PARVB: variants seen among roughly 807,000 people sequenced by gnomAD.
The protein encoded by PARVB is parvin beta.
Under a neutral mutation model 47.0 loss-of-function variants are expected in PARVB, and 46 were observed. That is an observed-to-expected ratio of 0.98 (90% CI 0.77 to 1.25). PARVB has a LOEUF of 1.25. PARVB is among the 50% of genes most tolerant of loss of function. PARVB has a pLI of 0.00. For missense variants in PARVB, 473 were observed against 471.6 expected (o/e 1.00, Z -0.03); for synonymous variants, 196 against 196.3 (o/e 1.00, Z 0.01).
In PARVB at chr22:44,147,904, G is replaced by T; in HGVS notation, c.756G>T (p.Lys252Asn). 1 of 1,614,042 alleles carries T rather than the reference G, an allele frequency of 6.2e-7. No homozygotes were observed. The highest frequency in any genetic ancestry group is 1.1e-5 in the South Asian group (1 of 91,054). ...FDTLFDHAPD[K>N]LSVVKKSLIT... The stretch of plus-strand genomic sequence containing the variant: ...CGCTGTTCGACCACGCCCCGGATAA[G>T]CTCAGCGTGGTGAAGAAGGTGAGCT... The change falls in exon 9 of 13, where the codon AAG becomes AAT. Residue 252 changes from lysine (K) to asparagine (N), a missense_variant. Physicochemically the swap from Lys to Asn is moderately conservative, Grantham distance 94. Transcript: ENST00000338758.
At chr22:44,098,738 C>T (rs943964559) in intron 2 of PARVB, among the ~76,000 whole-genome samples, 1 of 152,210 alleles carries the variant, frequency 6.6e-6, no homozygotes, top group East Asian at 1.9e-4. Flanking sequence ...TCAGAGTTTA[C>T]ACTCTGCTGC....
intron 6 of PARVB, among the ~76,000 whole-genome samples, chr22:44,136,060 G>A (rs890332344): frequency 2.6e-5 from 4 of 152,158 alleles, no homozygotes; most frequent in Non-Finnish European, 5.9e-5. Context: ...CTTCAGTCCC[G>A]TGCACACACA....
intron 7 of PARVB, among the ~76,000 whole-genome samples, chr22:44,138,628 T>C (rs971812728): frequency 6.6e-6 from 1 of 152,198 alleles, no homozygotes; most frequent in Non-Finnish European, 1.5e-5. Flanking sequence ...TAAGGCAGCA[T>C]TGCCACCTCC....
At chr22:44,115,861 TAAA>T in intron 3 of PARVB, 1 of 137,998 alleles carries the variant, frequency 7.2e-6, no homozygotes, top group Admixed American at 7.1e-5. Context: ...ACATTGTTAC[TAAA>T]GCCTTGCACC....
Position 44,133,050 on chromosome 22 carries a change from A to G in PARVB, c.633+41A>G, listed in dbSNP as rs577111274. 31 of 1,397,710 alleles carry G rather than the reference A, an allele frequency of 2.2e-5. 2 individuals carry two copies. The South Asian group carries it at 3.3e-4, about 15-fold the overall frequency. 86.6% of individuals were successfully genotyped at this position (1,397,710 alleles called of 1,614,324 possible). A position where few individuals can be genotyped will look rare whatever the true frequency, so the allele number is the denominator to read the frequency against. On this transcript the variant is annotated intron_variant, in intron 6 of 12. Coordinates refer to ENST00000338758, the MANE Select transcript of PARVB (RefSeq NM_013327.5). Reference sequence around the variant, plus strand: ...TGGTCGGCCTGCCTGTAACTCCGCCAGAGAGGCAACATCTTCCTCCTGCAG... The same window carrying G: ...TGGTCGGCCTGCCTGTAACTCCGCCGGAGAGGCAACATCTTCCTCCTGCAG...
chr22:44,169,332 C>T lies in PARVB; in HGVS notation c.*654C>T, dbSNP rs2147200893. 1 of 150,530 alleles carries T rather than the reference C, an allele frequency of 6.6e-6. No individual in the cohort carries two copies. Among genetic ancestry groups the T allele is most frequent in the East Asian group, 1.9e-4 (1 of 5,184 alleles). 9.3% of individuals were successfully genotyped at this position (150,530 alleles called of 1,614,324 possible). On this transcript the variant is annotated 3_prime_UTR_variant, in exon 13 of 13. Transcript: ENST00000338758. ...GTAGGTTTTGCACAAACATCCAAGACTCAGGATGGCCCAGCTCCCACAGTC... is the reference window on the plus strand; with the variant it reads ...GTAGGTTTTGCACAAACATCCAAGATTCAGGATGGCCCAGCTCCCACAGTC...
In PARVB at chr22:44,151,259, G is replaced by A. The variant is rs1392022571; in HGVS notation, c.775-224G>A. The A allele has an allele frequency of 1.2e-5, 6 of 505,724 alleles. No homozygotes were observed. The East Asian group carries it at 2.1e-4, about 18-fold the overall frequency. The allele number at this position is 505,724 out of a possible 1,614,324, so 31.3% of individuals were successfully genotyped here. On this transcript the variant is annotated intron_variant, in intron 9 of 12. Coordinates refer to ENST00000338758, the MANE Select transcript of PARVB (RefSeq NM_013327.5). ...GGATTGGCATATGTGTGCATGGGTT[G>A]GTGAGCAGAGACGTGTAGCCAGGAT...
intron 7 of PARVB, chr22:44,138,969 T>C (rs1184017474): frequency 6.6e-6 from 1 of 152,188 alleles, no homozygotes; most frequent in African/African-American, 2.4e-5. Flanking sequence ...AAGTAAAGAC[T>C]TCCTTGCCTC....
chr22:44,146,339 A>G (rs2053679169), intron 8 of PARVB: 1 of 117,436 alleles, frequency 8.5e-6, no homozygotes, highest in Admixed American at 8.1e-5. Context: ...GCTCACGTGC[A>G]CACAGGTGCT....
At chr22:44,010,755 G>A (rs976856569) in intron 2 of PARVB, among the ~76,000 whole-genome samples, 2 of 152,032 alleles carry the variant, frequency 1.3e-5, no homozygotes, top group Non-Finnish European at 2.9e-5. Context: ...TATGGCCTGC[G>A]AGTGAAGGAT....
chr22:44,140,314 A>T, intron 8 of PARVB, 171 bp downstream of exon 8: 1 of 747,084 alleles, frequency 1.3e-6, no homozygotes, highest in Admixed American at 2.0e-5. Flanking sequence ...ACCTTTCTGT[A>T]TAATGGGCTT....
At chr22:44,147,802 A>C in intron 8 of PARVB, 59 bp from the exon 9 acceptor site, 1 of 1,424,190 alleles carries the variant, frequency 7.0e-7, no homozygotes, top group South Asian at 1.1e-5. Flanking sequence ...GCCCTGGATT[A>C]GGGCAGCACC....
chr22:44,064,144 G>A (rs890829668), intron 1 of PARVB, among the ~76,000 whole-genome samples: 1 of 152,164 alleles, frequency 6.6e-6, no homozygotes, highest in Non-Finnish European at 1.5e-5. Flanking sequence ...GCTGGGGATC[G>A]CATGTGTGAT....
intron 1 of PARVB, among the ~76,000 whole-genome samples, chr22:44,088,846 A>G (rs548498936): frequency 6.6e-6 from 1 of 152,282 alleles, no homozygotes; most frequent in East Asian, 1.9e-4. Context: ...TGCTCAGGAA[A>G]CGTTAGTGGT....
chr22:44,085,390 A>T (rs889810912), intron 1 of PARVB, among the ~76,000 whole-genome samples: 3 of 151,752 alleles, frequency 2.0e-5, no homozygotes, highest in African/African-American at 4.8e-5. Context: ...GCTCACTGCA[A>T]CCTCCGCTTC....
intron 3 of PARVB, chr22:44,112,040 C>T (rs1725987189): frequency 6.6e-6 from 1 of 152,092 alleles, no homozygotes; most frequent in African/African-American, 2.4e-5. Flanking sequence ...TGGAAGCAGG[C>T]AGAGGAGGGC....
chr22:44,000,174 G>A (rs141640450), intron 2 of PARVB, among the ~76,000 whole-genome samples: 134 of 152,350 alleles, frequency 8.8e-4, no homozygotes, highest in African/African-American at 3.1e-3. Flanking sequence ...CTTAGTGGAT[G>A]CCACTCATGA....
rs541201514 is a variant in PARVB, at chr22:44,008,230, C to T, written c.211+8557C>T. 2.6e-5 allele frequency among the ~76,000 whole-genome samples: 4 copies of T among 152,098 alleles called. No homozygotes were observed. In the South Asian group the frequency reaches 6.2e-4, roughly 24 times the overall value. ...ATTCTCCTGCCTTAGCACCCCCGCC[C>T]GCCTCCGAGTAGCTGGGATTACAGG... On this transcript the variant is annotated intron_variant, in intron 2 of 13. Transcript: ENST00000406477.
chr22:44,039,550 G>A (rs5764065), intron 1 of PARVB, among the ~76,000 whole-genome samples: 111,112 of 148,986 alleles, frequency 0.75, 41,499 homozygotes, highest in East Asian at 0.92. Context: ...CAAAAAGAAA[G>A]AAAAAAAAAA....
Sources: gnomAD v4.1 joint callset for allele counts (sites outside exome capture counted in the v4.1 genomes callset) on GRCh38, gnomAD v4.1.1 for gene constraint, MANE v1.5 for transcripts, NCBI Gene and HGNC (gene_info 2026-07-23, HGNC 2026-07-21) for gene names.